Variants in TRPM1 observed in about 807,000 individuals in gnomAD.
TRPM1 encodes the protein TRPM1-203 APA Isoform, Intron 10.
TRPM1 carries 113 observed loss-of-function variants against 149.4 expected under a neutral mutation model. The ratio of observed to expected loss-of-function variants is 0.76; its 90% CI spans 0.65 to 0.88. The LOEUF is 0.88. TRPM1 is among the 40% of genes least tolerant of loss of function. TRPM1 has a pLI of 0.00. For missense variants in TRPM1, 1,976 were observed against 2,038.7 expected, an observed-to-expected ratio of 0.97 and a Z score of 0.59; for synonymous variants, 741 against 759.5, an observed-to-expected ratio of 0.98 and a Z score of 0.40.
intron 9 of TRPM1, 137 bp downstream of exon 9, chr15:31,062,442 G>T: frequency 9.1e-7 from 1 of 1,095,858 alleles, no homozygotes; most frequent in Admixed American, 2.0e-5. Flanking sequence ...CACCAATTTG[G>T]TATGCATTTG....
At position 31,049,906 on chromosome 15, in the gene TRPM1, G is replaced by A. The variant is rs72712230; in HGVS notation, c.1438-397C>T. ...GTGACTGTGATAAGGGCAGGCACACGTCACCACAGAGGCCTGGTCCCCTGT... is the reference window on the plus strand; with the variant it reads ...GTGACTGTGATAAGGGCAGGCACACATCACCACAGAGGCCTGGTCCCCTGT... On this transcript the variant is annotated intron_variant, in intron 12 of 27. Transcript: ENST00000256552. Among the ~76,000 whole-genome samples the A allele has an allele frequency of 5.0e-3, 756 of 152,280 alleles. 4 individuals are homozygous for A. Among genetic ancestry groups the A allele is most frequent in the Non-Finnish European group, 8.3e-3 (563 of 68,010 alleles).
At chr15:31,084,637 A>G (rs1473823655) in intron 1 of TRPM1, among the ~76,000 whole-genome samples, 1 of 151,118 alleles carries the variant, frequency 6.6e-6, no homozygotes, top group East Asian at 1.9e-4. Context: ...TAGTGCTATC[A>G]GTAAGACATT....
Position 31,063,247 on chromosome 15 carries a change from C to A in TRPM1, c.836G>T (p.Gly279Val). ...CAAGACGATGGACACCACGTTAGGG[C>A]CCCCCTCCACCACGAGACCCACGAG... is the stretch of plus-strand genomic sequence containing the variant. Reference protein sequence around the residue: ...VPLVGLVVEGGPNVVSIVLEY... With the variant: ...VPLVGLVVEGVPNVVSIVLEY... The change falls in exon 8 of 28, where the codon GGC becomes GTC. Residue 279 changes from glycine to valine, a missense_variant. By Grantham distance (109) the Gly-to-Val change is moderately radical (BLOSUM62 -3). Around this residue, in one of 3 missense-constraint regions of TRPM1, gnomAD observed 1,332 missense variants for 1,347.1 expected, o/e 0.99. Transcript: ENST00000256552. 3 of 1,614,040 alleles carry A rather than the reference C, an allele frequency of 1.9e-6. No homozygotes were observed. The highest frequency in any genetic ancestry group is 2.5e-6 in the Non-Finnish European group (3 of 1,179,932).
At chr15:31,014,652 G>A (rs1180539705) in intron 27 of TRPM1, among the ~76,000 whole-genome samples, 1 of 152,114 alleles carries the variant, frequency 6.6e-6, no homozygotes, top group Non-Finnish European at 1.5e-5. Flanking sequence ...CTTTTATGGT[G>A]GGGCAGAATT....
rs779702766 is a variant in TRPM1 at position 31,047,203 on chromosome 15, C to T, written c.1672G>A (p.Val558Met). The change falls in exon 15 of 28, where the codon GTG (valine) becomes ATG (methionine). Residue 558 changes from valine (V) to methionine (M), a missense_variant. Around this residue, in one of 3 missense-constraint regions of TRPM1, gnomAD observed 1,332 missense variants for 1,347.1 expected, o/e 0.99. Transcript: ENST00000256552. ...YHISLIDIGL[V>M]LEYLMGGAYR... ...GCTCCTCCCATGAGGTACTCCAGCACGAGCCCGATGTCTATGAGGCTGATG... is the reference window on the plus strand; with the variant it reads ...GCTCCTCCCATGAGGTACTCCAGCATGAGCCCGATGTCTATGAGGCTGATG... 24 of 1,614,064 alleles carry T rather than the reference C, an allele frequency of 1.5e-5. No homozygotes were observed. Among genetic ancestry groups the T allele is most frequent in the African/African-American group, 1.3e-4 (10 of 74,918 alleles).
chr15:31,005,063 C>T (rs941259649), intron 27 of TRPM1, among the ~76,000 whole-genome samples: 3 of 151,740 alleles, frequency 2.0e-5, no homozygotes, highest in Non-Finnish European at 2.9e-5. Flanking sequence ...GATCGCACCA[C>T]TGCACTCCAG....
In TRPM1 at chr15:31,070,189, G is replaced by T. The variant is rs761314000; in HGVS notation, c.121C>A (p.Pro41Thr). The T allele has an allele frequency of 9.9e-6, 16 of 1,614,030 alleles. No homozygotes were observed. In the African/African-American group the frequency reaches 2.0e-4, roughly 20 times the overall value. The change falls in exon 4 of 28, where the codon CCT (proline) becomes ACT (threonine). Residue 41 changes from proline (P) to threonine (T), a missense_variant. By Grantham distance (38) the Pro-to-Thr change is conservative. Around this residue, in one of 3 missense-constraint regions of TRPM1, gnomAD observed 1,332 missense variants for 1,347.1 expected, o/e 0.99. Coordinates refer to ENST00000256552, the MANE Select transcript of TRPM1 (RefSeq NM_001252024.2). Reference sequence around the variant, plus strand: ...TTGCTGGGTGTTGCACTTGGCAGAGGGGGGATATGCTGGTTGGTGAACTGG... The same window carrying T: ...TTGCTGGGTGTTGCACTTGGCAGAGTGGGGATATGCTGGTTGGTGAACTGG... ...CGQFTNQHIPPLPSATPSKNE... is the reference protein window; with the variant it reads ...CGQFTNQHIPTLPSATPSKNE...
chr15:31,031,222 T>C, intron 22 of TRPM1, 65 bp from the exon 23 acceptor site: 1 of 1,570,678 alleles, frequency 6.4e-7, no homozygotes, highest in Middle Eastern at 1.7e-4. Flanking sequence ...CCTGGCTCAT[T>C]ATATTGCTGT....
chr15:31,159,121 T>TG (rs1379655609), intron 1 of TRPM1, among the ~76,000 whole-genome samples: 2 of 151,898 alleles, frequency 1.3e-5, no homozygotes, highest in East Asian at 3.9e-4. Flanking sequence ...TCCTTGGGCT[T>TG]GAAGTAATGC....
intron 27 of TRPM1, among the ~76,000 whole-genome samples, chr15:31,016,999 C>A (rs2032385391): frequency 6.8e-6 from 1 of 146,000 alleles, no homozygotes; most frequent in South Asian, 2.2e-4. Flanking sequence ...AAAAAAAAAA[C>A]TTGTTTTTTA....
intron 2 of TRPM1, 88 bp downstream of exon 2, chr15:31,081,265 T>C: frequency 1.2e-6 from 1 of 845,092 alleles, no homozygotes. Context: ...AAATCCGTCT[T>C]TTCCTAATAA....
intron 1 of TRPM1, among the ~76,000 whole-genome samples, chr15:31,098,484 C>T (rs963534915): frequency 3.3e-5 from 5 of 152,126 alleles, no homozygotes; most frequent in Admixed American, 2.0e-4. Flanking sequence ...GTCCACAGCA[C>T]GGGAGAGTAG....
At chr15:31,160,719 C>T (rs1014238685) in intron 1 of TRPM1, among the ~76,000 whole-genome samples, 5 of 152,230 alleles carry the variant, frequency 3.3e-5, no homozygotes, top group African/African-American at 1.2e-4. Flanking sequence ...TGGCAGGAAA[C>T]ATAGGGCACC....
rs1477048126 is a variant in TRPM1, at chr15:31,063,115, T to A, written c.965+3A>T. On this transcript the variant is annotated splice_donor_region_variant and intron_variant, in intron 8 of 27. Transcript: ENST00000256552. The stretch of plus-strand genomic sequence containing the variant: ...GCCCTTCCTCGCGCGTCAGAAATCC[T>A]ACCCGCCTTCTTCACAGTACTTGTG... 1.2e-6 allele frequency: 2 copies of A among 1,614,224 alleles called. No individual in the cohort carries two copies. The highest frequency in any genetic ancestry group is 2.7e-5 in the African/African-American group (2 of 75,068).
intron 1 of TRPM1, among the ~76,000 whole-genome samples, chr15:31,108,685 C>T (rs62038946): frequency 1.3e-5 from 2 of 151,946 alleles, no homozygotes; most frequent in African/African-American, 2.4e-5. Context: ...GTGGAGACAG[C>T]GTTTCTCTGT....
chr15:31,072,010 T>TAGAGAGAGAG (rs1390003241), intron 3 of TRPM1, among the ~76,000 whole-genome samples: 1 of 30,062 alleles, frequency 3.3e-5, no homozygotes, highest in African/African-American at 1.1e-4. Flanking sequence ...TATATATATA[T>TAGAGAGAGAG]ATATATATAG....
chr15:31,147,485 T>C (rs1307407229), intron 1 of TRPM1, among the ~76,000 whole-genome samples: 1 of 152,270 alleles, frequency 6.6e-6, no homozygotes, highest in African/African-American at 2.4e-5. Flanking sequence ...TGCAACGTCA[T>C]CACACTTCAC....
chr15:31,046,089 G>A, intron 16 of TRPM1, 115 bp downstream of exon 16: 1 of 928,542 alleles, frequency 1.1e-6, no homozygotes, highest in Non-Finnish European at 1.7e-6. Context: ...ATTTGACTAA[G>A]ACATCTAGGT....
chr15:31,038,965 G>T (rs1567011123), intron 18 of TRPM1, among the ~76,000 whole-genome samples: 1 of 150,810 alleles, frequency 6.6e-6, no homozygotes, highest in African/African-American at 2.4e-5. Flanking sequence ...GGATGCCCAG[G>T]CTCATAGATA....
Sources: gnomAD v4.1 joint callset for allele counts (sites outside exome capture counted in the v4.1 genomes callset) on GRCh38, gnomAD v4.1.1 for gene constraint, gnomAD v4.1.1 regional missense constraint, MANE v1.5 for transcripts, NCBI Gene and HGNC (gene_info 2026-07-23, HGNC 2026-07-21) for gene names.